Variants in TMCC1 observed in about 807,000 individuals in gnomAD.
The protein encoded by TMCC1 is transmembrane and coiled-coil domain family 1, also known as transmembrane and coiled-coil domains protein 1.
Under a neutral mutation model 52.4 loss-of-function variants are expected in TMCC1, and 15 were observed. That is an observed-to-expected ratio of 0.29 (90% CI 0.19 to 0.44). TMCC1 has a LOEUF of 0.44. TMCC1 is among the 20% of genes least tolerant of loss of function. TMCC1 has a pLI of 1.00. For missense variants in TMCC1, 503 were observed against 806.0 expected (o/e 0.62, Z 4.55); for synonymous variants, 279 against 301.9 (o/e 0.92, Z 0.79).
intron 2 of TMCC1, among the ~76,000 whole-genome samples, chr3:129,877,337 T>C (rs2061262683): frequency 6.6e-6 from 1 of 152,184 alleles, no homozygotes; most frequent in Non-Finnish European, 1.5e-5. Flanking sequence ...CTTTCCTCAT[T>C]AGACTCCAGG....
intron 2 of TMCC1, among the ~76,000 whole-genome samples, chr3:129,880,105 T>A (rs2061394568): frequency 6.6e-6 from 1 of 152,168 alleles, no homozygotes; most frequent in Non-Finnish European, 1.5e-5. Context: ...TCAGGAAGAA[T>A]GTAGGAAATG....
intron 4 of TMCC1, among the ~76,000 whole-genome samples, chr3:129,824,717 C>T (rs1487075095): frequency 6.7e-6 from 1 of 148,732 alleles, no homozygotes; most frequent in Non-Finnish European, 1.5e-5. Flanking sequence ...CTAACTTATG[C>T]CCACTGTTCC....
At chr3:129,860,009 C>T (rs184090973) in intron 2 of TMCC1, among the ~76,000 whole-genome samples, 44 of 152,122 alleles carry the variant, frequency 2.9e-4, no homozygotes, top group Admixed American at 2.0e-4. Context: ...GTTTTGGGCA[C>T]CAAAGCAAGG....
chr3:129,806,658 TGGA>T (rs1195382408), intron 4 of TMCC1, among the ~76,000 whole-genome samples: 1 of 151,792 alleles, frequency 6.6e-6, no homozygotes, highest in African/African-American at 2.4e-5. Flanking sequence ...AAACACTTAG[TGGA>T]GAAGAAACTC....
At chr3:129,811,274 A>C (rs55949223) in intron 4 of TMCC1, among the ~76,000 whole-genome samples, 2 of 47,844 alleles carry the variant, frequency 4.2e-5, no homozygotes, top group Non-Finnish European at 9.6e-5. Context: ...TATTATTTTT[A>C]ATTTTTTAGA....
chr3:129,667,551 ACT>A (rs766961399), intron 5 of TMCC1, among the ~76,000 whole-genome samples: 19 of 152,078 alleles, frequency 1.2e-4, no homozygotes, highest in Admixed American at 3.3e-4. Flanking sequence ...CCTGGTTTTA[ACT>A]CTCTTTTTGA....
At chr3:129,783,829 C>A (rs1054034965) in intron 4 of TMCC1, among the ~76,000 whole-genome samples, 1 of 151,954 alleles carries the variant, frequency 6.6e-6, no homozygotes, top group African/African-American at 2.4e-5. Flanking sequence ...TTCGTCACAC[C>A]AAAAAGATGA....
chr3:129,854,978 C>A (rs1179428771), intron 2 of TMCC1, among the ~76,000 whole-genome samples: 1 of 152,184 alleles, frequency 6.6e-6, no homozygotes, highest in Non-Finnish European at 1.5e-5. Flanking sequence ...TGAACAAATG[C>A]ATGAACCATG....
chr3:129,801,234 G>T (rs1437044131), intron 4 of TMCC1, among the ~76,000 whole-genome samples: 2 of 151,510 alleles, frequency 1.3e-5, no homozygotes, highest in African/African-American at 2.4e-5. Context: ...GCCTAGTTTG[G>T]TTTTTTTAAT....
chr3:129,703,526 G>A (rs2047996726), intron 4 of TMCC1, among the ~76,000 whole-genome samples: 1 of 152,164 alleles, frequency 6.6e-6, no homozygotes, highest in Non-Finnish European at 1.5e-5. Context: ...GTCATCAGCT[G>A]TGGGACTTGT....
intron 4 of TMCC1, among the ~76,000 whole-genome samples, chr3:129,714,475 C>A (rs1338369080): frequency 6.6e-6 from 1 of 152,064 alleles, no homozygotes; most frequent in Non-Finnish European, 1.5e-5. Flanking sequence ...GTAAACTTGA[C>A]CACCTGGAAA....
intron 4 of TMCC1, among the ~76,000 whole-genome samples, chr3:129,805,835 G>A (rs2057429499): frequency 6.6e-6 from 1 of 152,010 alleles, no homozygotes; most frequent in Non-Finnish European, 1.5e-5. Context: ...TTGGGAGGCT[G>A]AGGTGAGAAC....
At chr3:129,740,421 G>A (rs2051360884) in intron 4 of TMCC1, among the ~76,000 whole-genome samples, 1 of 152,148 alleles carries the variant, frequency 6.6e-6, no homozygotes, top group South Asian at 2.1e-4. Flanking sequence ...CATTAAAAAG[G>A]CAATGGCATA....
chr3:129,709,311 G>A (rs371224303), intron 4 of TMCC1, among the ~76,000 whole-genome samples: 135 of 150,672 alleles, frequency 9.0e-4, no homozygotes, highest in African/African-American at 2.9e-3. Flanking sequence ...AAAACTTAAA[G>A]AAAAAAAATA....
intron 2 of TMCC1, among the ~76,000 whole-genome samples, chr3:129,871,178 G>A (rs186360142): frequency 1.4e-4 from 21 of 152,116 alleles, no homozygotes; most frequent in Admixed American, 5.2e-4. Flanking sequence ...TGCCAACATA[G>A]TAAAACCCCA....
intron 4 of TMCC1, among the ~76,000 whole-genome samples, chr3:129,697,395 G>A (rs989952867): frequency 6.6e-6 from 1 of 152,118 alleles, no homozygotes; most frequent in African/African-American, 2.4e-5. Context: ...CAAACCTGTG[G>A]GCTGTACACA....
intron 4 of TMCC1, among the ~76,000 whole-genome samples, chr3:129,770,592 TAAAA>T (rs1242844887): frequency 6.7e-6 from 1 of 149,570 alleles, no homozygotes; most frequent in African/African-American, 2.5e-5. Context: ...TAAAATAAAA[TAAAA>T]TAAAATAAAT....
intron 4 of TMCC1, among the ~76,000 whole-genome samples, chr3:129,754,460 T>C (rs139452115): frequency 1.0e-3 from 158 of 152,328 alleles, no homozygotes; most frequent in African/African-American, 3.4e-3. Context: ...TATGACCTGA[T>C]TTTAAGACTT....
chr3:129,878,052 A>C (rs545622156), intron 2 of TMCC1, among the ~76,000 whole-genome samples: 1 of 150,210 alleles, frequency 6.7e-6, no homozygotes, highest in Non-Finnish European at 1.5e-5. Context: ...TCTACCTCCC[A>C]AGTTCAAGTG....
Sources: gnomAD v4.1 joint callset for allele counts (sites outside exome capture counted in the v4.1 genomes callset) on GRCh38, gnomAD v4.1.1 for gene constraint, MANE v1.5 for transcripts, NCBI Gene and HGNC (gene_info 2026-07-23, HGNC 2026-07-21) for gene names.